TRIM49: variants seen among roughly 807,000 people sequenced by gnomAD.
TRIM49 encodes tripartite motif-containing protein 49.
Under a neutral mutation model 27.4 loss-of-function variants are expected in TRIM49, and 5 were observed. The observed-to-expected ratio is 0.18, with a 90% CI of 0.10 to 0.38. The LOEUF (loss-of-function observed/expected upper bound fraction) is 0.38. TRIM49 is among the 10% of genes least tolerant of loss of function. The pLI, the probability that TRIM49 is intolerant of heterozygous loss-of-function variation, is 1.00. For synonymous variants in TRIM49, 69 were observed against 166.0 expected (o/e 0.42, Z 4.49); for missense variants, 188 against 487.5 (o/e 0.39, Z 5.79).
chr11:89,790,974 C>G, the TRIM49 span, among the ~76,000 whole-genome samples: 4 of 151,694 alleles, frequency 2.6e-5, no homozygotes, highest in Non-Finnish European at 4.4e-5. Flanking sequence ...AAGTTCGAAT[C>G]CATTGCAAAG....
rs534229322 is a variant in TRIM49, at chr11:89,798,634, A to C, written c.860-5T>G. ...CATGATGCAGAGTAATATGCACTGC[A>C]AAAAAAAAAAAAAAGAAAACATGCA... On this transcript the variant is annotated splice_region_variant and splice_polypyrimidine_tract_variant and intron_variant, in intron 7 of 7. Coordinates refer to ENST00000329758, the MANE Select transcript of TRIM49 (RefSeq NM_020358.2). The C allele has an allele frequency of 9.0e-5, 22 of 244,166 alleles. No individual in the cohort carries two copies. Among genetic ancestry groups the C allele is most frequent in the African/African-American group, 8.9e-4 (18 of 20,114 alleles). 15.1% of individuals were successfully genotyped at this position (244,166 alleles called of 1,614,324 possible).
the TRIM49 span, among the ~76,000 whole-genome samples, chr11:89,767,820 G>C: frequency 1.5e-5 from 2 of 135,628 alleles, no homozygotes; most frequent in Admixed American, 1.4e-4. Flanking sequence ...AAAAAACACT[G>C]TCACTCAAAT....
At chr11:89,791,088 A>ACGT in the TRIM49 span, among the ~76,000 whole-genome samples, 1 of 149,352 alleles carries the variant, frequency 6.7e-6, no homozygotes, top group Non-Finnish European at 1.5e-5. Flanking sequence ...CAGGAGAACT[A>ACGT]CGTGATGAAT....
rs1310051528 is a variant in TRIM49 at position 89,802,230 on chromosome 11, T to C, written c.508-298A>G. On this transcript the variant is annotated intron_variant, in intron 4 of 7. Transcript: ENST00000329758. ...TTTATGGCAAAGTAAGAACAGTTCA[T>C]GCTTGAGAGTTGGAGTATAGGGCTA... Among the ~76,000 whole-genome samples the C allele has an allele frequency of 2.7e-5, 4 of 148,826 alleles. 1 individual carries two copies. The highest frequency in any genetic ancestry group is 2.0e-4 in the Admixed American group (3 of 15,084).
chr11:89,795,826 G>T (rs1466650496), downstream of TRIM49, among the ~76,000 whole-genome samples: 2 of 151,596 alleles, frequency 1.3e-5, no homozygotes, highest in Non-Finnish European at 2.9e-5. Flanking sequence ...CATGGCACAT[G>T]TATACATATG....
At chr11:89,775,676 T>C in the TRIM49 span, among the ~76,000 whole-genome samples, 1 of 134,264 alleles carries the variant, frequency 7.4e-6, no homozygotes, top group Non-Finnish European at 1.5e-5. Flanking sequence ...AAGTGTTCTC[T>C]CTAATCATCT....
At chr11:89,807,474 AG>A (rs1449082639) in intron 1 of TRIM49, among the ~76,000 whole-genome samples, 190 bp from the exon 2 acceptor site, 1 of 151,308 alleles carries the variant, frequency 6.6e-6, no homozygotes, top group Non-Finnish European at 1.5e-5. Flanking sequence ...GAGCATACAT[AG>A]GCTAGAAATT....
At chr11:89,804,692 C>G (rs544326309) in intron 2 of TRIM49, among the ~76,000 whole-genome samples, 1 of 151,574 alleles carries the variant, frequency 6.6e-6, no homozygotes, top group African/African-American at 2.4e-5. Context: ...GTCCCTTCTA[C>G]TCCTAGTTCC....
chr11:89,792,487 G>C, the TRIM49 span, among the ~76,000 whole-genome samples: 1 of 151,770 alleles, frequency 6.6e-6, no homozygotes, highest in African/African-American at 2.4e-5. Context: ...TGACCACATA[G>C]TTGGAAGTAA....
chr11:89,807,595 G>A (rs1464389062), intron 1 of TRIM49, among the ~76,000 whole-genome samples: 1 of 150,696 alleles, frequency 6.6e-6, no homozygotes. Context: ...GAGTGCAGTA[G>A]CATAATCATA....
At chr11:89,767,524 C>T in the TRIM49 span, among the ~76,000 whole-genome samples, 3 of 126,500 alleles carry the variant, frequency 2.4e-5, no homozygotes, top group Non-Finnish European at 4.6e-5. Context: ...AAAATTCATA[C>T]TTAAAGAGAA....
At chr11:89,791,382 A>G in the TRIM49 span, among the ~76,000 whole-genome samples, 3 of 152,018 alleles carry the variant, frequency 2.0e-5, no homozygotes, top group African/African-American at 7.3e-5. Context: ...AAATTCAGGA[A>G]ATATAGAGAA....
intron 2 of TRIM49, among the ~76,000 whole-genome samples, chr11:89,805,822 A>T (rs1949785588): frequency 6.7e-6 from 1 of 148,616 alleles, no homozygotes; most frequent in Admixed American, 6.6e-5. Context: ...GTTCAGAGCG[A>T]TTCTCCTGCA....
chr11:89,806,771 CAATTT>C (rs1187498125), intron 2 of TRIM49, among the ~76,000 whole-genome samples: 1 of 147,378 alleles, frequency 6.8e-6, no homozygotes, highest in Non-Finnish European at 1.5e-5. Context: ...CTTCTCAATT[CAATTT>C]GACAATATTA....
At chr11:89,792,606 A>G in the TRIM49 span, among the ~76,000 whole-genome samples, 2 of 152,132 alleles carry the variant, frequency 1.3e-5, no homozygotes, top group African/African-American at 4.8e-5. Flanking sequence ...AAAACCGCTC[A>G]ACTACATGGA....
downstream of TRIM49, among the ~76,000 whole-genome samples, chr11:89,792,714 A>G (rs1949663067): frequency 6.6e-6 from 1 of 152,178 alleles, no homozygotes; most frequent in African/African-American, 2.4e-5. Flanking sequence ...AAGACACAAC[A>G]TACTGGAATC....
the TRIM49 span, among the ~76,000 whole-genome samples, chr11:89,767,708 G>C: frequency 7.7e-6 from 1 of 130,682 alleles, no homozygotes; most frequent in Non-Finnish European, 1.5e-5. Flanking sequence ...CAGATTCTCA[G>C]TGTTTGCATT....
chr11:89,802,403 A>G (rs956907207), intron 4 of TRIM49, among the ~76,000 whole-genome samples: 12 of 150,594 alleles, frequency 8.0e-5, no homozygotes, highest in African/African-American at 3.0e-4. Context: ...TGCATTTATG[A>G]TTTGGCCATC....
At chr11:89,777,616 A>G in the TRIM49 span, among the ~76,000 whole-genome samples, 6,178 of 129,536 alleles carry the variant, frequency 0.048, 2 homozygotes, top group East Asian at 0.16. Flanking sequence ...TTGTTCAAAC[A>G]TATAGAATGG....
Sources: allele counts gnomAD v4.1 joint callset (sites outside exome capture counted in the v4.1 genomes callset), GRCh38; gene constraint gnomAD v4.1.1; transcripts MANE v1.5; gene names NCBI Gene and HGNC (gene_info 2026-07-23, HGNC 2026-07-21).